The following KALRN variants were observed in gnomAD, a reference collection of about 807,000 sequenced individuals.
The protein encoded by KALRN is kalirin RhoGEF kinase.
Under a neutral mutation model 353.7 loss-of-function variants are expected in KALRN, and 70 were observed. The ratio of observed to expected loss-of-function variants is 0.20; its 90% CI spans 0.16 to 0.24. The LOEUF (loss-of-function observed/expected upper bound fraction) is 0.24. Ranked by LOEUF, KALRN falls within the 10% of genes least tolerant of loss-of-function variation. The pLI, the probability that KALRN is intolerant of heterozygous loss-of-function variation, is 1.00. For missense variants in KALRN, 2,791 were observed against 3,756.7 expected, an observed-to-expected ratio of 0.74 and a Z score of 6.72; for synonymous variants, 1,391 against 1,434.8, an observed-to-expected ratio of 0.97 and a Z score of 0.69.
In KALRN at chr3:124,364,749, C is replaced by T. The variant is rs151115341; in HGVS notation, c.1770+17484C>T. On this transcript the variant is annotated intron_variant, in intron 10 of 59. Transcript: ENST00000682506. ...CTGACTCCCTCCCACCAGCTTTCCA[C>T]ACCAGACAGCCACTCATTAGGGCTT... is the stretch of plus-strand genomic sequence containing the variant. Among the ~76,000 whole-genome samples, 27 of 152,322 alleles carry T rather than the reference C, an allele frequency of 1.8e-4. No individual in the cohort carries two copies. In the East Asian group the frequency reaches 3.9e-3, roughly 22 times the overall value.
chr3:124,625,012 G>A (rs1247810726), intron 34 of KALRN, among the ~76,000 whole-genome samples: 1 of 152,140 alleles, frequency 6.6e-6, no homozygotes, highest in Admixed American at 6.5e-5. Context: ...TAGAATGAAT[G>A]AATACACAGA....
intron 34 of KALRN, among the ~76,000 whole-genome samples, chr3:124,564,874 A>G (rs558526093): frequency 1.3e-5 from 2 of 152,212 alleles, no homozygotes; most frequent in Admixed American, 6.5e-5. Context: ...AGCATTTTAC[A>G]CTGAGGAAGC....
At chr3:124,568,404 G>C (rs1350486469) in intron 34 of KALRN, among the ~76,000 whole-genome samples, 1 of 152,178 alleles carries the variant, frequency 6.6e-6, no homozygotes, top group Non-Finnish European at 1.5e-5. Flanking sequence ...CACTGCTGGT[G>C]GGAATGCAAA....
intron 3 of KALRN, among the ~76,000 whole-genome samples, chr3:124,241,802 G>A (rs2080475761): frequency 6.6e-6 from 1 of 152,172 alleles, no homozygotes; most frequent in Admixed American, 6.5e-5. Context: ...CTGTTGACTG[G>A]GAGTGGGGAG....
intron 33 of KALRN, chr3:124,518,762 T>G: frequency 7.6e-7 from 1 of 1,323,350 alleles, no homozygotes; most frequent in Non-Finnish European, 9.7e-7. Flanking sequence ...CCCAATGTAC[T>G]TCCCCCAGAT....
intron 34 of KALRN, among the ~76,000 whole-genome samples, chr3:124,617,074 G>A (rs144360380): frequency 6.4e-4 from 98 of 152,106 alleles, no homozygotes; most frequent in African/African-American, 2.3e-3. Flanking sequence ...GCTCACGTCT[G>A]TAATCCTAGC....
intron 1 of KALRN, among the ~76,000 whole-genome samples, chr3:124,148,624 AT>A (rs1210738371): frequency 7.9e-5 from 12 of 152,286 alleles, no homozygotes; most frequent in African/African-American, 2.2e-4. Flanking sequence ...TGTTTTTGTC[AT>A]GTTAATCAAT....
At chr3:124,397,443 G>T (rs535919190) in intron 12 of KALRN, among the ~76,000 whole-genome samples, 78 of 152,326 alleles carry the variant, frequency 5.1e-4, no homozygotes, top group African/African-American at 1.8e-3. Context: ...CAGGCTAAAA[G>T]AACATGGCTT....
intron 2 of KALRN, among the ~76,000 whole-genome samples, chr3:124,230,857 C>CA (rs796655959): frequency 0.024 from 2,269 of 93,274 alleles, 46 homozygotes; most frequent in African/African-American, 0.062. Context: ...CCCCCAAAAC[C>CA]AAAAAAAAAA....
intron 57 of KALRN, among the ~76,000 whole-genome samples, chr3:124,709,344 C>A (rs992927533): frequency 6.6e-6 from 1 of 152,200 alleles, no homozygotes. Flanking sequence ...GTGGCACAAT[C>A]TTGGCTCACT....
intron 3 of KALRN, among the ~76,000 whole-genome samples, chr3:124,238,247 A>G: frequency 6.6e-6 from 1 of 152,158 alleles, no homozygotes; most frequent in African/African-American, 2.4e-5. Context: ...AAAAAAAACA[A>G]CAAAAAACGC....
At chr3:124,647,517 G>T (rs561100566) in intron 37 of KALRN, among the ~76,000 whole-genome samples, 2 of 152,158 alleles carry the variant, frequency 1.3e-5, no homozygotes, top group South Asian at 2.1e-4. Flanking sequence ...TCCATTCTCA[G>T]TTCAAGCATT....
intron 1 of KALRN, among the ~76,000 whole-genome samples, chr3:124,034,983 G>A (rs949767660): frequency 6.6e-6 from 1 of 152,074 alleles, no homozygotes; most frequent in African/African-American, 2.4e-5. Context: ...GGAAGGGGGT[G>A]GGGTGCTTTG....
intron 21 of KALRN, among the ~76,000 whole-genome samples, chr3:124,448,454 C>A (rs2093911732): frequency 6.6e-6 from 1 of 152,146 alleles, no homozygotes; most frequent in African/African-American, 2.4e-5. Context: ...GTTTTATTTT[C>A]AATTATTATT....
intron 6 of KALRN, among the ~76,000 whole-genome samples, chr3:124,311,856 G>A (rs1179993876): frequency 1.3e-5 from 2 of 152,202 alleles, no homozygotes; most frequent in Non-Finnish European, 2.9e-5. Flanking sequence ...TTACAACATG[G>A]ATGGACCTTG....
At chr3:124,699,712 A>T (rs991802118) in intron 55 of KALRN, among the ~76,000 whole-genome samples, 157 bp from the exon 56 acceptor site, 1 of 152,176 alleles carries the variant, frequency 6.6e-6, no homozygotes, top group African/African-American at 2.4e-5. Flanking sequence ...AATCCAAACT[A>T]CCATAGTTAG....
chr3:124,208,604 C>T (rs1233834314), intron 1 of KALRN, among the ~76,000 whole-genome samples: 1 of 152,138 alleles, frequency 6.6e-6, no homozygotes, highest in African/African-American at 2.4e-5. Context: ...TGTTCTCCTG[C>T]TTCCACTGTC....
At chr3:124,492,498 AC>A (rs2063275924) in intron 31 of KALRN, among the ~76,000 whole-genome samples, 1 of 152,208 alleles carries the variant, frequency 6.6e-6, no homozygotes, top group African/African-American at 2.4e-5. Flanking sequence ...GTTATGAAAT[AC>A]TTTGACAGTT....
At chr3:124,248,275 G>T (rs2148720993) in intron 3 of KALRN, among the ~76,000 whole-genome samples, 1 of 152,342 alleles carries the variant, frequency 6.6e-6, no homozygotes, top group South Asian at 2.1e-4. Flanking sequence ...ACTCCTTAGG[G>T]CCAATGCCGG....
Sources: gnomAD v4.1 joint callset for allele counts (sites outside exome capture counted in the v4.1 genomes callset) on GRCh38, gnomAD v4.1.1 for gene constraint, MANE v1.5 for transcripts, NCBI Gene and HGNC (gene_info 2026-07-23, HGNC 2026-07-21) for gene names.